The following TAFA5 variants were observed in gnomAD, a reference collection of about 807,000 sequenced individuals.
TAFA5 encodes chemokine-like protein TAFA-5.
In TAFA5, 6 loss-of-function variants were observed where a neutral mutation model predicts 15.3. The observed-to-expected ratio is 0.39, with a 90% CI of 0.21 to 0.77. TAFA5 has a LOEUF of 0.77. Ranked by LOEUF, TAFA5 falls within the 30% of genes least tolerant of loss-of-function variation. TAFA5 has a pLI of 0.41. For synonymous variants in TAFA5, 103 were observed against 80.7 expected (o/e 1.28, Z -1.48); for missense variants, 161 against 193.1 (o/e 0.83, Z 0.98).
chr22:48,598,400 A>G lies in TAFA5; in HGVS notation c.113-48197A>G, dbSNP rs1366121823. 6.6e-6 allele frequency among the ~76,000 whole-genome samples: 1 copy of G among 152,166 alleles called. No homozygotes were observed. Among genetic ancestry groups the G allele is most frequent in the Non-Finnish European group, 1.5e-5 (1 of 68,018 alleles). ...CACTTGGAGGTTATTTCCAGGGGGC[A>G]GTGGTGAGGGGCTGGCGCTGTGATC... On this transcript the variant is annotated intron_variant, in intron 1 of 3. Coordinates refer to ENST00000402357, the MANE Select transcript of TAFA5 (RefSeq NM_001082967.3). The surrounding 1 kb of genome is among the most constrained non-coding windows in gnomAD (Gnocchi z 4.0).
chr22:48,715,037 A>T (rs761059581), intron 3 of TAFA5, among the ~76,000 whole-genome samples: 7 of 152,216 alleles, frequency 4.6e-5, no homozygotes, highest in Non-Finnish European at 8.8e-5. Flanking sequence ...TAAATCTAGG[A>T]TGATTTCATC....
intron 1 of TAFA5, 121 bp from the exon 2 acceptor site, chr22:48,646,476 C>A: frequency 1.6e-6 from 2 of 1,234,556 alleles, no homozygotes; most frequent in Non-Finnish European, 2.2e-6. Context: ...CTGAGTGAAG[C>A]GGTCTCCCTG....
chr22:48,677,283 C>T (rs1054808753), intron 2 of TAFA5, among the ~76,000 whole-genome samples: 2 of 152,258 alleles, frequency 1.3e-5, no homozygotes, highest in African/African-American at 2.4e-5. Context: ...GAGCAGGACC[C>T]TGCCCGCCCG....
Position 48,646,289 on chromosome 22 carries a change from C to A in TAFA5, c.113-308C>A, listed in dbSNP as rs117915888. On this transcript the variant is annotated intron_variant, in intron 1 of 3. Transcript: ENST00000402357. ...GCCAGCTCCCTCCTTGTGATCCGAA[C>A]CTTTCATTTCCGGGCGTGATAAAGA... Among the ~76,000 whole-genome samples, 386 of 152,320 alleles carry A rather than the reference C, an allele frequency of 2.5e-3. 12 individuals are homozygous for A. The East Asian group carries it at 0.06, about 24-fold the overall frequency.
chr22:48,554,519 G>C (rs1922963227), intron 1 of TAFA5, among the ~76,000 whole-genome samples: 1 of 152,182 alleles, frequency 6.6e-6, no homozygotes, highest in Admixed American at 6.5e-5. Context: ...CTGGAAAGGA[G>C]GGTATTATGG....
At chr22:48,609,482 C>T (rs1451003648) in intron 1 of TAFA5, among the ~76,000 whole-genome samples, 1 of 152,154 alleles carries the variant, frequency 6.6e-6, no homozygotes, top group African/African-American at 2.4e-5. Context: ...GTGGTGTGGA[C>T]AGGGCGCTGG....
In TAFA5 at chr22:48,569,748, G is replaced by A. The variant is rs562087290; in HGVS notation, c.113-76849G>A. Reference sequence around the variant, plus strand: ...CGTGCATCCCGGGGGGTGGCCTCCCGCAGGCCTTGCTTGGGTTCCGGGTAC... The same window carrying A: ...CGTGCATCCCGGGGGGTGGCCTCCCACAGGCCTTGCTTGGGTTCCGGGTAC... On this transcript the variant is annotated intron_variant, in intron 1 of 3. Coordinates refer to ENST00000402357, the MANE Select transcript of TAFA5 (RefSeq NM_001082967.3). 5.3e-5 allele frequency among the ~76,000 whole-genome samples: 8 copies of A among 152,304 alleles called. No homozygotes were observed. The South Asian group carries it at 1.0e-3, about 20-fold the overall frequency.
intron 1 of TAFA5, among the ~76,000 whole-genome samples, chr22:48,533,902 A>T (rs896961017): frequency 6.6e-6 from 1 of 152,176 alleles, no homozygotes; most frequent in Non-Finnish European, 1.5e-5. Flanking sequence ...GGTGGAAAGG[A>T]TGAGCCTGGC....
intron 2 of TAFA5, among the ~76,000 whole-genome samples, chr22:48,696,236 C>T (rs757827924): frequency 1.5e-4 from 23 of 152,224 alleles, no homozygotes; most frequent in Admixed American, 5.9e-4. Context: ...GCTCTGCAGA[C>T]GCTGTGGCTT....
intron 1 of TAFA5, among the ~76,000 whole-genome samples, chr22:48,504,105 AAC>A (rs1216959931): frequency 1.3e-5 from 2 of 152,160 alleles, no homozygotes; most frequent in East Asian, 3.9e-4. Flanking sequence ...TCTGAGAGAC[AAC>A]AGAGTGAGAT....
chr22:48,714,254 G>A (rs78131695), intron 3 of TAFA5, among the ~76,000 whole-genome samples: 8,138 of 152,328 alleles, frequency 0.053, 314 homozygotes, highest in Admixed American at 0.09. Context: ...ACAGGGACAC[G>A]AAAGGGGGAA....
chr22:48,692,753 G>A (rs570788913), intron 2 of TAFA5, among the ~76,000 whole-genome samples: 159 of 152,344 alleles, frequency 1.0e-3, no homozygotes, highest in Non-Finnish European at 1.8e-3. Flanking sequence ...AGACAGCCTC[G>A]TGACGGTGTG....
intron 1 of TAFA5, among the ~76,000 whole-genome samples, chr22:48,578,163 G>C (rs1239954751): frequency 1.3e-5 from 2 of 152,218 alleles, no homozygotes; most frequent in African/African-American, 4.8e-5. Flanking sequence ...TGCGGAAAGG[G>C]CGTGTATGTG....
intron 1 of TAFA5, among the ~76,000 whole-genome samples, chr22:48,500,319 T>C (rs1458222010): frequency 6.6e-6 from 1 of 152,218 alleles, no homozygotes; most frequent in Admixed American, 6.5e-5. Context: ...TGTTTGCTTT[T>C]GGCTTCAGCT....
intron 1 of TAFA5, among the ~76,000 whole-genome samples, chr22:48,495,191 C>G (rs1928284064): frequency 1.3e-5 from 2 of 152,186 alleles, no homozygotes; most frequent in African/African-American, 4.8e-5. Context: ...CAGCACTGCT[C>G]GAAGGAGGCA....
chr22:48,559,913 G>T (rs943271264), intron 1 of TAFA5, among the ~76,000 whole-genome samples: 1 of 152,218 alleles, frequency 6.6e-6, no homozygotes, highest in Non-Finnish European at 1.5e-5. Context: ...ATCTTTGCGG[G>T]GGCCGTGGTA....
chr22:48,608,104 G>C (rs921263363), intron 1 of TAFA5, among the ~76,000 whole-genome samples: 6 of 151,964 alleles, frequency 3.9e-5, no homozygotes, highest in African/African-American at 1.4e-4. Context: ...CAGGCTGCCA[G>C]CCCCTCCCAC....
intron 2 of TAFA5, among the ~76,000 whole-genome samples, chr22:48,669,279 A>G (rs1927725937): frequency 6.6e-6 from 1 of 152,176 alleles, no homozygotes; most frequent in African/African-American, 2.4e-5. Context: ...TTCATCTCCA[A>G]ACTCTGAAAA....
At chr22:48,630,732 G>T (rs1367916658) in intron 1 of TAFA5, among the ~76,000 whole-genome samples, 2 of 152,200 alleles carry the variant, frequency 1.3e-5, no homozygotes, top group Non-Finnish European at 2.9e-5. Flanking sequence ...GGCTACCGGG[G>T]CCCTGAATCA....
Sources: allele counts gnomAD v4.1 joint callset (sites outside exome capture counted in the v4.1 genomes callset), GRCh38; gene constraint gnomAD v4.1.1; non-coding constraint Gnocchi (gnomAD v3.1); transcripts MANE v1.5; gene names NCBI Gene and HGNC (gene_info 2026-07-23, HGNC 2026-07-21).